CDH6: variants seen among roughly 807,000 people sequenced by gnomAD.
The protein encoded by CDH6 is cadherin-6.
Under a neutral mutation model 78.0 loss-of-function variants are expected in CDH6, and 31 were observed. The observed-to-expected ratio is 0.40, with a 90% CI of 0.30 to 0.54. CDH6 has a LOEUF of 0.54. CDH6 is among the 20% of genes least tolerant of loss of function. The probability of loss-of-function intolerance (pLI) is 0.56; values close to 1 mark genes in which losing one functional copy is unlikely to be tolerated. For synonymous variants in CDH6, 376 were observed against 368.8 expected (o/e 1.02, Z -0.23); for missense variants, 724 against 975.9 (o/e 0.74, Z 3.44).
intron 1 of CDH6, among the ~76,000 whole-genome samples, chr5:31,207,662 A>G (rs1471023494): frequency 6.6e-6 from 1 of 152,266 alleles, no homozygotes; most frequent in African/African-American, 2.4e-5. Context: ...ACAAATGGCA[A>G]GAACACATTA....
Position 31,317,942 on chromosome 5 carries a change from G to T in CDH6, c.1882+18G>T. On this transcript the variant is annotated intron_variant, in intron 11 of 11. Transcript: ENST00000265071. ...CCTACTAGGTAAACTGGTTCTCCCT[G>T]CCTCCTATCTCCCCATGGTGAGGGG... The T allele has an allele frequency of 1.2e-6, 2 of 1,609,514 alleles. No homozygotes were observed.
intron 1 of CDH6, among the ~76,000 whole-genome samples, chr5:31,216,297 G>A (rs894840013): frequency 3.9e-5 from 6 of 152,054 alleles, no homozygotes; most frequent in Non-Finnish European, 5.9e-5. Context: ...CAATACAGGG[G>A]ACAGCAATCT....
At chr5:31,307,509 G>A (rs1738021228) in intron 7 of CDH6, among the ~76,000 whole-genome samples, 1 of 152,194 alleles carries the variant, frequency 6.6e-6, no homozygotes, top group African/African-American at 2.4e-5. Flanking sequence ...AGCCATGTGA[G>A]CTCCATGGAC....
chr5:31,234,950 C>T (rs1741411181), intron 1 of CDH6, among the ~76,000 whole-genome samples: 1 of 152,176 alleles, frequency 6.6e-6, no homozygotes, highest in African/African-American at 2.4e-5. Context: ...CATCCTGTCC[C>T]CAAGCACTCC....
At chr5:31,293,905 C>A in intron 2 of CDH6, 57 bp from the exon 3 acceptor site, 1 of 1,179,168 alleles carries the variant, frequency 8.5e-7, no homozygotes, top group South Asian at 1.6e-5. Flanking sequence ...AAGACAAAAA[C>A]AGTTTAGAAC....
intron 2 of CDH6, among the ~76,000 whole-genome samples, chr5:31,287,460 C>T (rs1042647956): frequency 1.3e-5 from 2 of 152,134 alleles, no homozygotes; most frequent in Admixed American, 6.5e-5. Flanking sequence ...GGTAGGCCCT[C>T]TACTAAGCAT....
At chr5:31,224,492 C>T (rs955556906) in intron 1 of CDH6, among the ~76,000 whole-genome samples, 3 of 152,182 alleles carry the variant, frequency 2.0e-5, no homozygotes, top group Non-Finnish European at 2.9e-5. Flanking sequence ...GTAATATGGA[C>T]AGCTAGAAGA....
intron 2 of CDH6, among the ~76,000 whole-genome samples, chr5:31,274,215 T>A (rs1291037496): frequency 1.1e-4 from 16 of 152,242 alleles, no homozygotes; most frequent in Non-Finnish European, 2.1e-4. Context: ...CCACTGAAAG[T>A]GAAACCAACT....
intron 2 of CDH6, among the ~76,000 whole-genome samples, chr5:31,282,907 A>G (rs4422543): frequency 0.41 from 62,685 of 152,032 alleles, 12,996 homozygotes; most frequent in Middle Eastern, 0.45. Context: ...GTAGGGTTAT[A>G]CTGAATCTCT....
At chr5:31,302,865 A>G (rs1737836443) in intron 6 of CDH6, among the ~76,000 whole-genome samples, 1 of 149,210 alleles carries the variant, frequency 6.7e-6, no homozygotes, top group African/African-American at 2.5e-5. Flanking sequence ...AAAGAAAGGA[A>G]GAAAGGAGGG....
chr5:31,318,132 G>A, intron 11 of CDH6: 1 of 629,816 alleles, frequency 1.6e-6, no homozygotes, highest in Non-Finnish European at 2.8e-6. Flanking sequence ...AAACTTGCTC[G>A]TGTCTTTGCT....
rs761045632 is a variant in CDH6 at position 31,328,986 on chromosome 5, A to C, written c.*5678A>C. The C allele has an allele frequency of 4.6e-6, 1 of 219,778 alleles. No individual in the cohort carries two copies. The highest frequency in any genetic ancestry group is 9.1e-6 in the Non-Finnish European group (1 of 109,772). The allele number at this position is 219,778 out of a possible 1,614,324, so 13.6% of individuals were successfully genotyped here. On this transcript the variant is annotated 3_prime_UTR_variant, in exon 12 of 12. Coordinates refer to ENST00000265071, the MANE Select transcript of CDH6 (RefSeq NM_004932.4). Reference sequence around the variant, plus strand: ...CAAATGGCAAATACGCACTCCTTGAAATGGCTTCTTTTATTTGGTTTTGTT... The same window carrying C: ...CAAATGGCAAATACGCACTCCTTGACATGGCTTCTTTTATTTGGTTTTGTT...
rs1737524156 is a variant in CDH6, at chr5:31,294,478, TG to T, written c.523+224del. On this transcript the variant is annotated intron_variant, in intron 3 of 11. Transcript: ENST00000265071. The surrounding 1 kb of genome is among the most constrained non-coding windows in gnomAD (Gnocchi z 4.1). Reference sequence around the variant, plus strand: ...TTTCCTCTAAAGAGGGTCTGAAAAGTGGCAGGGTGGGAGTGGGAGGTTGAAA... The same window carrying T: ...TTTCCTCTAAAGAGGGTCTGAAAAGTGCAGGGTGGGAGTGGGAGGTTGAAA... Among the ~76,000 whole-genome samples the T allele has an allele frequency of 6.6e-6, 1 of 152,182 alleles. No homozygotes were observed. Among genetic ancestry groups the T allele is most frequent in the Non-Finnish European group, 1.5e-5 (1 of 68,012 alleles).
chr5:31,229,688 T>C (rs1023714668), intron 1 of CDH6, among the ~76,000 whole-genome samples: 1 of 152,242 alleles, frequency 6.6e-6, no homozygotes, highest in Non-Finnish European at 1.5e-5. Flanking sequence ...GAATGAATTA[T>C]GACAAAGAGA....
intron 2 of CDH6, among the ~76,000 whole-genome samples, chr5:31,288,967 G>A (rs140979439): frequency 6.6e-6 from 1 of 152,078 alleles, no homozygotes; most frequent in South Asian, 2.1e-4. Flanking sequence ...GGGGGGAGAG[G>A]GGGTTCTTTT....
chr5:31,246,505 C>T (rs751562580), intron 1 of CDH6, among the ~76,000 whole-genome samples: 23 of 152,116 alleles, frequency 1.5e-4, no homozygotes, highest in Admixed American at 2.6e-4. Flanking sequence ...GGTTTACAGA[C>T]GTCTATGTTA....
intron 1 of CDH6, among the ~76,000 whole-genome samples, chr5:31,230,279 G>A (rs949064320): frequency 3.9e-5 from 6 of 152,150 alleles, no homozygotes; most frequent in Admixed American, 1.3e-4. Context: ...TCTCTGTCCT[G>A]TAGATGACTT....
intron 2 of CDH6, among the ~76,000 whole-genome samples, chr5:31,291,689 G>T (rs1357314054): frequency 6.6e-6 from 1 of 152,176 alleles, no homozygotes; most frequent in Non-Finnish European, 1.5e-5. Context: ...CTTACTCATG[G>T]GTTAATGAAA....
chr5:31,312,621 G>A (rs566221537), intron 7 of CDH6, among the ~76,000 whole-genome samples: 1 of 152,160 alleles, frequency 6.6e-6, no homozygotes, highest in Non-Finnish European at 1.5e-5. Context: ...AGCCTGGGAG[G>A]TCGAAGTTGC....
Sources: allele counts gnomAD v4.1 joint callset (sites outside exome capture counted in the v4.1 genomes callset), GRCh38; gene constraint gnomAD v4.1.1; non-coding constraint Gnocchi (gnomAD v3.1); transcripts MANE v1.5; gene names NCBI Gene and HGNC (gene_info 2026-07-23, HGNC 2026-07-21).